The following CACNG5 variants were observed in gnomAD, a reference collection of about 807,000 sequenced individuals.
The protein encoded by CACNG5 is calcium voltage-gated channel auxiliary subunit gamma 5.
A neutral mutation model predicts 24.8 loss-of-function variants in CACNG5; 18 were observed. That is an observed-to-expected ratio of 0.73 (90% CI 0.50 to 1.08). CACNG5 has a LOEUF of 1.08. CACNG5 is among the 50% of genes least tolerant of loss of function. The pLI, the probability that CACNG5 is intolerant of heterozygous loss-of-function variation, is 0.00. For missense variants in CACNG5, 349 were observed against 367.9 expected (o/e 0.95, Z 0.42); for synonymous variants, 157 against 149.1 (o/e 1.05, Z -0.39).
chr17:66,875,450 T>C (rs1319084916), intron 1 of CACNG5, among the ~76,000 whole-genome samples: 1 of 152,130 alleles, frequency 6.6e-6, no homozygotes, highest in African/African-American at 2.4e-5. Context: ...TGTAGATCAA[T>C]CAACTTTCCC....
At chr17:66,875,019 C>T (rs1759572013) in intron 1 of CACNG5, among the ~76,000 whole-genome samples, 1 of 152,162 alleles carries the variant, frequency 6.6e-6, no homozygotes, top group African/African-American at 2.4e-5. Context: ...AGCAGCCTTG[C>T]CCTGGACCTC....
chr17:66,849,715 C>A (rs1448118167), intron 1 of CACNG5, among the ~76,000 whole-genome samples: 2 of 152,208 alleles, frequency 1.3e-5, no homozygotes, highest in African/African-American at 4.8e-5. Flanking sequence ...ACAATGTCAT[C>A]TTCCTAGGCT....
chr17:66,855,011 C>T (rs1568064733), intron 1 of CACNG5, among the ~76,000 whole-genome samples: 3 of 152,146 alleles, frequency 2.0e-5, no homozygotes, highest in Non-Finnish European at 4.4e-5. Flanking sequence ...TGTGACAATA[C>T]CAAATGTTGG....
intron 1 of CACNG5, among the ~76,000 whole-genome samples, chr17:66,856,270 A>C (rs748035879): frequency 2.0e-5 from 3 of 152,252 alleles, no homozygotes; most frequent in Non-Finnish European, 4.4e-5. Flanking sequence ...AAATACTTTT[A>C]TGCTCCTGCC....
chr17:66,881,523 C>T (rs1194222875), intron 4 of CACNG5, among the ~76,000 whole-genome samples: 1 of 152,178 alleles, frequency 6.6e-6, no homozygotes. Context: ...GGACTGATGC[C>T]AGGTTGTACT....
chr17:66,884,815 C>T (rs1355973191), intron 5 of CACNG5, 154 bp downstream of exon 5: 2 of 1,613,226 alleles, frequency 1.2e-6, no homozygotes, highest in African/African-American at 1.3e-5. Context: ...GAATGTGTCA[C>T]TGTCTTACCT....
chr17:66,881,685 C>T (rs980279650), intron 4 of CACNG5, among the ~76,000 whole-genome samples: 4 of 152,044 alleles, frequency 2.6e-5, no homozygotes, highest in Admixed American at 1.3e-4. Context: ...GAATGGTGGC[C>T]AGCAAGGACT....
At chr17:66,863,626 C>G (rs1034468988) in intron 1 of CACNG5, among the ~76,000 whole-genome samples, 5 of 152,182 alleles carry the variant, frequency 3.3e-5, no homozygotes, top group African/African-American at 9.7e-5. Context: ...CTCATCCTCC[C>G]AAAGTGCTGG....
chr17:66,877,013 G>GAATGAATGAATGAATGAATT (rs1555657545), intron 1 of CACNG5, among the ~76,000 whole-genome samples: 1 of 150,010 alleles, frequency 6.7e-6, no homozygotes, highest in African/African-American at 2.5e-5. Context: ...ATGAATGAAT[G>GAATGAATGAATGAATGAATT]AATGGCAGTA....
At chr17:66,840,023 GCA>G (rs1180064048) in intron 1 of CACNG5, among the ~76,000 whole-genome samples, 1 of 152,204 alleles carries the variant, frequency 6.6e-6, no homozygotes, top group Non-Finnish European at 1.5e-5. Flanking sequence ...TCAAATCCCA[GCA>G]CAGTCTCTTA....
chr17:66,885,880 T>C lies in CACNG5; in HGVS notation c.*640T>C, dbSNP rs1234917832. On this transcript the variant is annotated 3_prime_UTR_variant, in exon 6 of 6. Transcript: ENST00000533854. ...TTTTCTCCTTTCCTCACACCAGAAC[T>C]CAGCTGCCCTGGGCCCTGGCACTAA... 1.3e-5 allele frequency among the ~76,000 whole-genome samples: 2 copies of C among 152,188 alleles called. No individual in the cohort carries two copies. Among genetic ancestry groups the C allele is most frequent in the Non-Finnish European group, 2.9e-5 (2 of 68,028 alleles).
intron 1 of CACNG5, among the ~76,000 whole-genome samples, chr17:66,838,960 C>CTTTTTTTTT (rs71160595): frequency 1.8e-4 from 16 of 88,098 alleles, no homozygotes; most frequent in African/African-American, 3.4e-4. Flanking sequence ...CTCACCCATT[C>CTTTTTTTTT]TTTTTTTTTT....
At chr17:66,854,955 A>G (rs76421432) in intron 1 of CACNG5, among the ~76,000 whole-genome samples, 1,779 of 152,334 alleles carry the variant, frequency 0.012, 39 homozygotes, top group African/African-American at 0.04. Context: ...TGAGATGACA[A>G]TGGAATATCA....
At chr17:66,864,517 C>G (rs924720711) in intron 1 of CACNG5, among the ~76,000 whole-genome samples, 17 of 152,206 alleles carry the variant, frequency 1.1e-4, no homozygotes, top group Admixed American at 8.5e-4. Flanking sequence ...CTTGATTGCT[C>G]TCCAATGTCT....
At chr17:66,862,892 C>CTCTCTCTCTGTGTG (rs567913804) in intron 1 of CACNG5, among the ~76,000 whole-genome samples, 9 of 142,172 alleles carry the variant, frequency 6.3e-5, no homozygotes, top group Admixed American at 1.4e-4. Context: ...AGCATATTCT[C>CTCTCTCTCTGTGTG]TGTGTGTGTG....
At position 66,892,179 on chromosome 17, in the gene CACNG5, C is replaced by T. The variant is rs79599428; in HGVS notation, c.*6939C>T. Among the ~76,000 whole-genome samples the T allele has an allele frequency of 1.8e-4, 27 of 152,334 alleles. No individual in the cohort carries two copies. Among genetic ancestry groups the T allele is most frequent in the African/African-American group, 3.4e-4 (14 of 41,582 alleles). Reference sequence around the variant, plus strand: ...GGTGGAAGCCCCAGGGACCTCCCCCCACTCCTCGCTCTGTCTCAGCCTGCA... The same window carrying T: ...GGTGGAAGCCCCAGGGACCTCCCCCTACTCCTCGCTCTGTCTCAGCCTGCA... On this transcript the variant is annotated 3_prime_UTR_variant, in exon 6 of 6. Coordinates refer to ENST00000533854, the MANE Select transcript of CACNG5 (RefSeq NM_145811.3).
intron 1 of CACNG5, among the ~76,000 whole-genome samples, chr17:66,866,245 C>T (rs1389533332): frequency 1.3e-5 from 2 of 152,068 alleles, no homozygotes; most frequent in East Asian, 3.9e-4. Flanking sequence ...TAAAACTAGG[C>T]CCCACTATGG....
intron 4 of CACNG5, among the ~76,000 whole-genome samples, chr17:66,884,085 T>G (rs1431963076): frequency 1.4e-5 from 2 of 147,282 alleles, no homozygotes; most frequent in Non-Finnish European, 3.0e-5. Context: ...TGAGCCGAGA[T>G]CGCGCCATTG....
At position 66,877,463 on chromosome 17, in the gene CACNG5, A is replaced by G. The variant is rs575431019; in HGVS notation, c.131A>G (p.Gln44Arg). Residue 44 changes from glutamine (Q) to arginine (R), a missense_variant, in exon 2 of 6, where the codon CAG becomes CGG. Gln to Arg is a conservative substitution (Grantham distance 43). Transcript: ENST00000533854. ...CTGGAGGAGGGTGTGATTGTGCCCC[A>G]GAACCAGAGCACCGAGATCAAGATG... ...LYLEEGVIVPQNQSTEIKMSL... is the reference protein window; with the variant it reads ...LYLEEGVIVPRNQSTEIKMSL... 1.4e-5 allele frequency: 23 copies of G among 1,614,022 alleles called. No homozygotes were observed. The highest frequency in any genetic ancestry group is 2.7e-5 in the African/African-American group (2 of 75,006).
Sources: gnomAD v4.1 joint callset for allele counts (sites outside exome capture counted in the v4.1 genomes callset) on GRCh38, gnomAD v4.1.1 for gene constraint, MANE v1.5 for transcripts, NCBI Gene and HGNC (gene_info 2026-07-23, HGNC 2026-07-21) for gene names.